The following INTS1 variants were observed in gnomAD, a reference collection of about 807,000 sequenced individuals.
The protein encoded by INTS1 is integrator complex subunit 1.
Under a neutral mutation model 241.6 loss-of-function variants are expected in INTS1, and 137 were observed. The observed-to-expected ratio is 0.57, with a 90% CI of 0.49 to 0.65. INTS1 has a LOEUF of 0.65. Among genes scored for constraint, INTS1 ranks in the 30% least tolerant of loss-of-function variants. The pLI is 0.00. For synonymous variants in INTS1, 1,692 were observed against 1,337.8 expected, an observed-to-expected ratio of 1.26 and a Z score of -5.78; for missense variants, 3,073 against 3,032.2, an observed-to-expected ratio of 1.01 and a Z score of -0.32.
intron 1 of INTS1, 76 bp from the exon 2 acceptor site, chr7:1,504,077 G>C: frequency 7.6e-6 from 6 of 792,998 alleles, no homozygotes; most frequent in South Asian, 5.4e-5. Context: ...CTTGCCGCAC[G>C]GGGCTTGGGC....
In INTS1 at chr7:1,476,015, T is replaced by C. The variant is rs1781697588; in HGVS notation, c.5435A>G (p.Glu1812Gly). 6.5e-7 allele frequency: 1 copy of C among 1,545,924 alleles called. No homozygotes were observed. The highest frequency in any genetic ancestry group is 8.7e-7 in the Non-Finnish European group (1 of 1,146,708). The change falls in exon 39 of 48, where the codon GAG becomes GGG. Residue 1812 changes from glutamate to glycine, a missense_variant. By Grantham distance (98) the Glu-to-Gly change is moderately conservative. Coordinates refer to ENST00000404767, the MANE Select transcript of INTS1 (RefSeq NM_001080453.3). Reference protein sequence around the residue: ...LLLQLYLQRPELRVPVPEVLL... With the variant: ...LLLQLYLQRPGLRVPVPEVLL... ...GACCTCAGGCACGGGCACCCGCAGC[T>C]CCGGCCGCTGTAGGTAGAGCTGCAG...
In INTS1 at chr7:1,472,328, G is replaced by A. The variant is rs543874044; in HGVS notation, c.6129C>T (p.Thr2043=). Residue 2043 remains threonine, a synonymous_variant, in exon 44 of 48, where the codon ACC becomes ACT. Coordinates refer to ENST00000404767, the MANE Select transcript of INTS1 (RefSeq NM_001080453.3). ...LVSVSLFTPL[T]AAEMAPYMKR... is the part of the protein sequence containing the mutation. ...TCATGTAGGGGGCCATCTCGGCCGCGGTCAGAGGGGTGAACAGGGAGACGC... is the reference window on the plus strand; with the variant it reads ...TCATGTAGGGGGCCATCTCGGCCGCAGTCAGAGGGGTGAACAGGGAGACGC... 2.5e-5 allele frequency: 40 copies of A among 1,572,356 alleles called. 1 individual carries two copies. The highest frequency in any genetic ancestry group is 8.2e-5 in the South Asian group (7 of 85,656).
At chr7:1,485,061 C>A (rs1403437732) in intron 24 of INTS1, 37 bp downstream of exon 24, 1 of 1,403,884 alleles carries the variant, frequency 7.1e-7, no homozygotes, top group South Asian at 1.2e-5. Context: ...CCGTCCCCTC[C>A]CCAGGGCCAC....
rs147094567 is a variant in INTS1 at position 1,484,498 on chromosome 7, C to A, written c.3262-328G>T. On this transcript the variant is annotated intron_variant, in intron 24 of 47. Transcript: ENST00000404767. ...GCCACCAACTTTCACTAGGTCACAG[C>A]GCAGGTTGTGGACAAGAGAACCGTG... Among the ~76,000 whole-genome samples, 305 of 152,312 alleles carry A rather than the reference C, an allele frequency of 2.0e-3. 1 individual carries two copies. Among genetic ancestry groups the A allele is most frequent in the African/African-American group, 6.8e-3 (283 of 41,564 alleles).
Position 1,487,107 on chromosome 7 carries a change from C to T in INTS1, c.2647-6G>A, listed in dbSNP as rs1472111067. 3.9e-6 allele frequency: 6 copies of T among 1,542,898 alleles called. No individual in the cohort carries two copies. Among genetic ancestry groups the T allele is most frequent in the African/African-American group, 1.4e-5 (1 of 73,164 alleles). Reference sequence around the variant, plus strand: ...GGCATGGACTGCGAGGAGGCCTGGGCAGGCGACAGTGGCGCCCGCTCAGCA... The same window carrying T: ...GGCATGGACTGCGAGGAGGCCTGGGTAGGCGACAGTGGCGCCCGCTCAGCA... On this transcript the variant is annotated splice_region_variant and splice_polypyrimidine_tract_variant and intron_variant, in intron 20 of 47. Transcript: ENST00000404767.
In INTS1 at chr7:1,486,580, T is replaced by C. The variant is rs1176831047; in HGVS notation, c.2976+45A>G. The C allele has an allele frequency of 2.2e-5, 34 of 1,580,880 alleles. No homozygotes were observed. In the Admixed American group the frequency reaches 5.5e-4, roughly 26 times the overall value. Reference sequence around the variant, plus strand: ...GTGCCCGGTCCCCAGCCTACTCATTTTAAACATGAAGAGCGTGCGCAGAAA... The same window carrying C: ...GTGCCCGGTCCCCAGCCTACTCATTCTAAACATGAAGAGCGTGCGCAGAAA... On this transcript the variant is annotated intron_variant, in intron 22 of 47. Coordinates refer to ENST00000404767, the MANE Select transcript of INTS1 (RefSeq NM_001080453.3).
At position 1,481,255 on chromosome 7, in the gene INTS1, C is replaced by G; in HGVS notation, c.3850+87G>C. 1.3e-6 allele frequency: 2 copies of G among 1,494,860 alleles called. No individual in the cohort carries two copies. Among genetic ancestry groups the G allele is most frequent in the Non-Finnish European group, 1.8e-6 (2 of 1,086,926 alleles). The allele number at this position is 1,494,860 out of a possible 1,614,324, so 92.6% of individuals were successfully genotyped here. ...ACCCACCCGACCTCGGATCACCCAC[C>G]CGCTCGCACCCAGGCCCCAAAAGCC... On this transcript the variant is annotated intron_variant, in intron 28 of 47. Coordinates refer to ENST00000404767, the MANE Select transcript of INTS1 (RefSeq NM_001080453.3). The surrounding 1 kb of genome is among the most constrained non-coding windows in gnomAD (Gnocchi z 6.8).
At chr7:1,488,549 C>T (rs1583132801) in intron 18 of INTS1, among the ~76,000 whole-genome samples, 1 of 152,128 alleles carries the variant, frequency 6.6e-6, no homozygotes, top group East Asian at 1.9e-4. Context: ...ACACCCAGTC[C>T]CCACAAAACC....
rs973577431 is a variant in INTS1 at position 1,474,118 on chromosome 7, G to A, written c.5829+50C>T. The A allele has an allele frequency of 5.3e-6, 8 of 1,515,358 alleles. No individual in the cohort carries two copies. In the African/African-American group the frequency reaches 8.2e-5, roughly 16 times the overall value. 93.9% of individuals were successfully genotyped at this position (1,515,358 alleles called of 1,614,324 possible). The stretch of plus-strand genomic sequence containing the variant: ...GAGTGGGTGAGGCAGGCCTGGGCCA[G>A]AGCAGAGGGAGTGGAAGGGAGCGCG... On this transcript the variant is annotated intron_variant, in intron 41 of 47. Coordinates refer to ENST00000404767, the MANE Select transcript of INTS1 (RefSeq NM_001080453.3).
intron 3 of INTS1, among the ~76,000 whole-genome samples, chr7:1,502,264 G>A (rs990303058): frequency 6.6e-6 from 1 of 152,138 alleles, no homozygotes; most frequent in Non-Finnish European, 1.5e-5. Flanking sequence ...TGGGGCTGGT[G>A]CGATAGCTGC....
In INTS1 at chr7:1,486,936, C is replaced by T. The variant is rs1193238379; in HGVS notation, c.2812G>A (p.Ala938Thr). Residue 938 changes from alanine to threonine, a missense_variant, in exon 21 of 48, where the codon GCC (alanine) becomes ACC (threonine). Ala to Thr is a moderately conservative substitution (Grantham distance 58, BLOSUM62 0). Transcript: ENST00000404767. ...DDEGESKEQKAKKRQRQQKQR... is the reference protein window; with the variant it reads ...DDEGESKEQKTKKRQRQQKQR... The stretch of plus-strand genomic sequence containing the variant: ...GCGGCCCTGACCTGCCGCTTCTTGG[C>T]CTTCTGCTCCTTGCTCTCGCCCTCG... 1.9e-6 allele frequency: 3 copies of T among 1,604,728 alleles called. No homozygotes were observed. Among genetic ancestry groups the T allele is most frequent in the Non-Finnish European group, 2.5e-6 (3 of 1,178,534 alleles).
intron 3 of INTS1, among the ~76,000 whole-genome samples, chr7:1,500,635 C>T (rs1246719253): frequency 2.0e-5 from 3 of 152,230 alleles, no homozygotes. Flanking sequence ...ACCCCAAAGG[C>T]TACAGACATT....
In INTS1 at chr7:1,474,731, C is replaced by T. The variant is rs559688069; in HGVS notation, c.5610G>A (p.Ala1870=). 2.1e-5 allele frequency: 33 copies of T among 1,561,696 alleles called. No individual in the cohort carries two copies. The highest frequency in any genetic ancestry group is 8.1e-5 in the African/African-American group (6 of 73,776). Residue 1870 remains alanine (A), a synonymous_variant, in exon 40 of 48, where the codon GCG becomes GCA. Coordinates refer to ENST00000404767, the MANE Select transcript of INTS1 (RefSeq NM_001080453.3). ...TGAGCAGCAGCAGCGGGTGCGCCAC[C>T]GCCAGCTTCCGGCAGGCCATGCTGG... ...ADASMACRKL[A]VAHPLLLLRH... is the part of the protein sequence containing the mutation.
At chr7:1,502,394 G>C (rs758323825) in intron 3 of INTS1, among the ~76,000 whole-genome samples, 5 of 152,150 alleles carry the variant, frequency 3.3e-5, no homozygotes, top group Non-Finnish European at 5.9e-5. Flanking sequence ...CGGGACAGTG[G>C]TGAAGCTTAC....
intron 11 of INTS1, 131 bp from the exon 12 acceptor site, chr7:1,496,395 G>A (rs899868917): frequency 2.7e-5 from 13 of 476,016 alleles, no homozygotes; most frequent in African/African-American, 1.3e-4. Flanking sequence ...CCACGTGGGC[G>A]CGGCACGGGG....
chr7:1,484,791 G>A (rs1214330468), intron 24 of INTS1, among the ~76,000 whole-genome samples: 1 of 152,156 alleles, frequency 6.6e-6, no homozygotes, highest in Non-Finnish European at 1.5e-5. Context: ...ACTAAGGAAG[G>A]GACACAGGTG....
intron 39 of INTS1, among the ~76,000 whole-genome samples, chr7:1,475,068 T>C (rs895713429): frequency 2.6e-5 from 4 of 152,234 alleles, no homozygotes; most frequent in African/African-American, 9.6e-5. Flanking sequence ...AATGATACAA[T>C]GAGCGGGAAA....
chr7:1,477,852 G>A lies in INTS1; in HGVS notation c.4715C>T (p.Ser1572Phe). The change falls in exon 34 of 48, where the codon TCC (serine) becomes TTC (phenylalanine). Residue 1572 changes from serine to phenylalanine, a missense_variant. By Grantham distance (155) the Ser-to-Phe change is radical. Transcript: ENST00000404767. ...AACGGGCTTACAGGCTGGAAACGGG[G>A]AGGCAGCATCCGCAGTGGCAGAGAA... ...AFFSATADAASPFPACKPVVV... is the reference protein window; with the variant it reads ...AFFSATADAAFPFPACKPVVV... 6.2e-7 allele frequency: 1 copy of A among 1,612,630 alleles called. No homozygotes were observed. The highest frequency in any genetic ancestry group is 8.5e-7 in the Non-Finnish European group (1 of 1,179,850).
At chr7:1,476,493 G>GCCTCTCCTGGATGGGCCACCC in intron 37 of INTS1, 38 bp from the exon 38 acceptor site, 1 of 1,190,078 alleles carries the variant, frequency 8.4e-7, no homozygotes, top group Non-Finnish European at 1.2e-6. Context: ...GAGCACCACC[G>GCCTCTCCTGGATGGGCCACCC]CCTCTCCCGG....
Sources: allele counts gnomAD v4.1 joint callset (sites outside exome capture counted in the v4.1 genomes callset), GRCh38; gene constraint gnomAD v4.1.1; non-coding constraint Gnocchi (gnomAD v3.1); transcripts MANE v1.5; gene names NCBI Gene and HGNC (gene_info 2026-07-23, HGNC 2026-07-21).